The following ZNF567 variants were observed in gnomAD, a reference collection of about 807,000 sequenced individuals.
ZNF567 encodes zinc finger protein 567.
A neutral mutation model predicts 53.9 loss-of-function variants in ZNF567; 36 were observed. The ratio of observed to expected loss-of-function variants is 0.67; its 90% CI spans 0.51 to 0.88. The LOEUF is 0.88. Ranked by LOEUF, ZNF567 falls within the 40% of genes least tolerant of loss-of-function variation. The pLI is 0.00. For synonymous variants in ZNF567, 224 were observed against 260.4 expected (o/e 0.86, Z 1.35); for missense variants, 619 against 764.7 (o/e 0.81, Z 2.25).
chr19:36,705,773 A>G (rs2039460109), intron 3 of ZNF567, among the ~76,000 whole-genome samples: 1 of 152,236 alleles, frequency 6.6e-6, no homozygotes. Context: ...GAAATCTTCT[A>G]TTATAACTAA....
chr19:36,670,736 G>C, the ZNF567 span, among the ~76,000 whole-genome samples: 1 of 152,160 alleles, frequency 6.6e-6, no homozygotes, highest in African/African-American at 2.4e-5. Context: ...GCTGCCTCAG[G>C]AGTATATCAG....
intron 3 of ZNF567, among the ~76,000 whole-genome samples, chr19:36,702,420 G>A (rs937182438): frequency 4.7e-5 from 7 of 150,418 alleles, no homozygotes; most frequent in East Asian, 2.0e-4. Flanking sequence ...TGCTCTTCTC[G>A]AGGAGTATCT....
intron 3 of ZNF567, among the ~76,000 whole-genome samples, chr19:36,700,151 A>C (rs1191226237): frequency 6.9e-6 from 1 of 144,040 alleles, no homozygotes; most frequent in Non-Finnish European, 1.5e-5. Context: ...GAATTTTGTC[A>C]AAGGCCTTTT....
rs2040242915 is a variant in ZNF567 at position 36,720,079 on chromosome 19, GT to G, written c.1356del (p.Ser452ArgfsTer14). Reference protein sequence around the residue: ...THNEEKPYICSECGKSFRQKT... With the variant: ...THNEEKPYICXECGKSFRQKT... ...AATGAGGAGAAACCCTATATTTGTA[GT>G]GAATGTGGAAAGTCCTTCCGCCAGA... On this transcript the variant is annotated frameshift_variant, in exon 6 of 6. Coordinates refer to ENST00000682579, the MANE Select transcript of ZNF567 (RefSeq NM_001322917.1). LOFTEE classifies it high-confidence loss of function. The G allele has an allele frequency of 6.2e-7, 1 of 1,606,596 alleles. No homozygotes were observed. Among genetic ancestry groups the G allele is most frequent in the African/African-American group, 1.4e-5 (1 of 72,780 alleles).
At chr19:36,691,500 A>G (rs1348189882) in intron 2 of ZNF567, among the ~76,000 whole-genome samples, 2 of 152,162 alleles carry the variant, frequency 1.3e-5, no homozygotes, top group Non-Finnish European at 2.9e-5. Context: ...AAGCAACCGA[A>G]TATTATATTC....
intron 5 of ZNF567, among the ~76,000 whole-genome samples, chr19:36,716,054 T>A (rs1226793832): frequency 2.0e-5 from 3 of 152,230 alleles, no homozygotes; most frequent in Non-Finnish European, 4.4e-5. Flanking sequence ...AAATTTTGTC[T>A]GGATTCATTC....
At chr19:36,667,239 T>G in the ZNF567 span, among the ~76,000 whole-genome samples, 1 of 152,116 alleles carries the variant, frequency 6.6e-6, no homozygotes, top group African/African-American at 2.4e-5. Flanking sequence ...TGTGAAACGA[T>G]TTAAAAAAAA....
chr19:36,697,893 G>A (rs973869176), intron 3 of ZNF567, among the ~76,000 whole-genome samples: 1 of 150,042 alleles, frequency 6.7e-6, no homozygotes, highest in African/African-American at 2.4e-5. Context: ...TTACAGGTGT[G>A]AGCCACCATG....
chr19:36,676,055 C>CTTTTTTTTTTTTTTTT, the ZNF567 span, among the ~76,000 whole-genome samples: 47 of 60,620 alleles, frequency 7.8e-4, 12 homozygotes, highest in Non-Finnish European at 1.3e-3. Flanking sequence ...TATTCTACAC[C>CTTTTTTTTTTTTTTTT]TTTTTTTTTT....
At chr19:36,672,124 C>A in the ZNF567 span, among the ~76,000 whole-genome samples, 1 of 152,188 alleles carries the variant, frequency 6.6e-6, no homozygotes, top group African/African-American at 2.4e-5. Context: ...TCTGGGACAT[C>A]CCCAAAGAAC....
downstream of ZNF567, among the ~76,000 whole-genome samples, chr19:36,725,088 C>G (rs1359070716): frequency 1.3e-5 from 2 of 152,044 alleles, no homozygotes; most frequent in Non-Finnish European, 2.9e-5. Flanking sequence ...TCACTTCTTT[C>G]TGGTCTTCAT....
At chr19:36,690,086 A>G (rs1474405664) in intron 2 of ZNF567, among the ~76,000 whole-genome samples, 1 of 152,214 alleles carries the variant, frequency 6.6e-6, no homozygotes, top group East Asian at 1.9e-4. Context: ...AGGCAGAAAT[A>G]TTTCTAAGTT....
At chr19:36,680,045 A>C in the ZNF567 span, among the ~76,000 whole-genome samples, 1 of 152,326 alleles carries the variant, frequency 6.6e-6, no homozygotes, top group Non-Finnish European at 1.5e-5. Context: ...GCCTGATTTG[A>C]TCATTCCATC....
chr19:36,674,491 G>A, the ZNF567 span, among the ~76,000 whole-genome samples: 1 of 152,112 alleles, frequency 6.6e-6, no homozygotes, highest in Non-Finnish European at 1.5e-5. Flanking sequence ...TGGGTCTAAA[G>A]GGTACTAATG....
At chr19:36,715,060 C>A (rs1214238301) in intron 5 of ZNF567, among the ~76,000 whole-genome samples, 2 of 152,152 alleles carry the variant, frequency 1.3e-5, no homozygotes, top group African/African-American at 2.4e-5. Flanking sequence ...TCCAGTTCAT[C>A]AGGCGTACTA....
intron 3 of ZNF567, among the ~76,000 whole-genome samples, chr19:36,701,704 T>A (rs1386111858): frequency 6.7e-6 from 1 of 148,594 alleles, no homozygotes; most frequent in Non-Finnish European, 1.5e-5. Context: ...TCTTTTGATC[T>A]TCGTTGGTTT....
At chr19:36,687,576 C>T (rs1240260663), upstream of ZNF567, 2 of 152,324 alleles carry the variant, frequency 1.3e-5, no homozygotes, top group East Asian at 1.9e-4. Context: ...GCGGAGACAC[C>T]TGGGAGGCAT....
the ZNF567 span, among the ~76,000 whole-genome samples, chr19:36,678,090 G>A: frequency 1.3e-5 from 2 of 152,282 alleles, no homozygotes; most frequent in East Asian, 1.9e-4. Flanking sequence ...TTGAAGAAAA[G>A]GAGATAGCCG....
chr19:36,709,243 A>G (rs1316945927), intron 3 of ZNF567, among the ~76,000 whole-genome samples: 1 of 152,216 alleles, frequency 6.6e-6, no homozygotes, highest in African/African-American at 2.4e-5. Context: ...TTTAAATGTT[A>G]GTGTCCATAA....
Sources: gnomAD v4.1 joint callset for allele counts (sites outside exome capture counted in the v4.1 genomes callset) on GRCh38, gnomAD v4.1.1 for gene constraint, MANE v1.5 for transcripts, NCBI Gene and HGNC (gene_info 2026-07-23, HGNC 2026-07-21) for gene names.